C2orf78: variants seen among roughly 807,000 people sequenced by gnomAD.
C2orf78 encodes uncharacterized protein C2orf78.
A neutral mutation model predicts 21.4 loss-of-function variants in C2orf78; 12 were observed. That is an observed-to-expected ratio of 0.56 (90% CI 0.36 to 0.91). The LOEUF is 0.91. Ranked by LOEUF, C2orf78 falls within the 40% of genes least tolerant of loss-of-function variation. The pLI, the probability that C2orf78 is intolerant of heterozygous loss-of-function variation, is 0.01. For synonymous variants in C2orf78, 396 were observed against 413.9 expected (o/e 0.96, Z 0.52); for missense variants, 1,042 against 1,092.4 (o/e 0.95, Z 0.65).
In C2orf78 at chr2:73,808,026, C is replaced by T. The variant is rs963889004; in HGVS notation, c.98-5451C>T. The stretch of plus-strand genomic sequence containing the variant: ...ATCCCAGCACTTTGGGAGGCTGAGG[C>T]GAGCAGATCACAAGGTCAGGTGATC... On this transcript the variant is annotated intron_variant, in intron 1 of 2. Transcript: ENST00000409561. Among the ~76,000 whole-genome samples, 7 of 150,992 alleles carry T rather than the reference C, an allele frequency of 4.6e-5. 1 individual carries two copies. Among genetic ancestry groups the T allele is most frequent in the East Asian group, 1.9e-4 (1 of 5,192 alleles).
At chr2:73,816,114 C>T (rs539997005) in exon 3 of C2orf78, 2 of 1,613,942 alleles carry the variant, frequency 1.2e-6, no homozygotes, top group East Asian at 2.2e-5. Flanking sequence ...CATGCACATG[C>T]TAGAGTCCGT....
Position 73,809,992 on chromosome 2 carries a change from T to G in C2orf78, c.98-3485T>G, listed in dbSNP as rs932709486. ...GGAGAATGACGAAATGATTTTAAAATAAAAAAATATATTTTAAATTTGAAA... is the reference window on the plus strand; with the variant it reads ...GGAGAATGACGAAATGATTTTAAAAGAAAAAAATATATTTTAAATTTGAAA... On this transcript the variant is annotated intron_variant, in intron 1 of 2. Transcript: ENST00000409561. Among the ~76,000 whole-genome samples the G allele has an allele frequency of 6.3e-4, 95 of 150,844 alleles. 1 individual carries two copies. The highest frequency in any genetic ancestry group is 2.3e-3 in the South Asian group (11 of 4,778).
At chr2:73,814,337 T>G in intron 2 of C2orf78, 111 bp downstream of exon 2, 1 of 1,206,060 alleles carries the variant, frequency 8.3e-7, no homozygotes, top group East Asian at 2.4e-5. Context: ...TCCTGAGACT[T>G]CAACCACTAT....
chr2:73,810,496 C>A (rs1412737323), intron 1 of C2orf78, among the ~76,000 whole-genome samples: 1 of 148,800 alleles, frequency 6.7e-6, no homozygotes, highest in South Asian at 2.1e-4. Context: ...CATTGCACTC[C>A]AGCATGGGCA....
intron 1 of C2orf78, among the ~76,000 whole-genome samples, chr2:73,808,052 G>A (rs950239105): frequency 1.3e-4 from 19 of 150,656 alleles, no homozygotes; most frequent in African/African-American, 3.7e-4. Context: ...TCAGGTGATC[G>A]AACCATCCTG....
chr2:73,808,711 A>G (rs1673009187), intron 1 of C2orf78: 2 of 1,513,438 alleles, frequency 1.3e-6, no homozygotes, highest in Non-Finnish European at 8.8e-7. Context: ...ACCTGGTAGA[A>G]TCTTGGGGTT....
exon 2 of C2orf78, chr2:73,813,996 A>T (rs1190876265): frequency 6.2e-7 from 1 of 1,614,054 alleles, no homozygotes; most frequent in Admixed American, 1.7e-5. Flanking sequence ...CTTCCCTGCC[A>T]GATAGGAAGC....
At chr2:73,813,571 C>G (rs758993649) in exon 2 of C2orf78, 6 of 1,613,932 alleles carry the variant, frequency 3.7e-6, no homozygotes, top group Non-Finnish European at 5.1e-6. Flanking sequence ...CAGGAAGCAT[C>G]TCCAACTTCT....
In C2orf78 at chr2:73,815,039, A is replaced by G. The variant is rs764417895; in HGVS notation, c.848-32A>G. The stretch of plus-strand genomic sequence containing the variant: ...GTGTAGGGGGAGCATCTCACTTACC[A>G]GGGACTGACTTCTTCCTTGATTCCT... On this transcript the variant is annotated intron_variant, in intron 2 of 2. Transcript: ENST00000409561. The G allele has an allele frequency of 8.2e-6, 13 of 1,576,688 alleles. No individual in the cohort carries two copies. The African/African-American group carries it at 1.8e-4, about 21-fold the overall frequency.
At chr2:73,811,713 G>GT (rs1218503085) in intron 1 of C2orf78, among the ~76,000 whole-genome samples, 5 of 150,834 alleles carry the variant, frequency 3.3e-5, no homozygotes, top group South Asian at 2.1e-4. Context: ...TCTAGCAGTT[G>GT]TTTTTTTTTA....
chr2:73,810,969 CAT>C (rs35395110), intron 1 of C2orf78, among the ~76,000 whole-genome samples: 1,372 of 136,028 alleles, frequency 0.01, 20 homozygotes, highest in African/African-American at 0.033. Context: ...ATGTATATTT[CAT>C]ATATATATAT....
At chr2:73,816,234 C>G (rs2103995828) in exon 3 of C2orf78, 1 of 1,613,896 alleles carries the variant, frequency 6.2e-7, no homozygotes, top group African/African-American at 1.3e-5. Flanking sequence ...ATTCCCAGCT[C>G]TCAAACCATG....
At chr2:73,813,506 A>T in exon 2 of C2orf78, 3 of 1,610,210 alleles carry the variant, frequency 1.9e-6, no homozygotes, top group African/African-American at 1.3e-5. Flanking sequence ...TTTACCTGGA[A>T]CTGCAAATTC....
At chr2:73,798,064 G>A (rs1238747059) in intron 1 of C2orf78, among the ~76,000 whole-genome samples, 1 of 67,612 alleles carries the variant, frequency 1.5e-5, no homozygotes, top group Non-Finnish European at 3.6e-5. Context: ...TAAAAGAGAA[G>A]AGCCTTGGAC....
exon 3 of C2orf78, chr2:73,816,271 G>A (rs1260293562): frequency 1.2e-6 from 2 of 1,613,680 alleles, no homozygotes; most frequent in African/African-American, 1.3e-5. Flanking sequence ...GAGGGTAAAG[G>A]CCCGGAGAAA....
exon 3 of C2orf78, chr2:73,815,473 A>G (rs1673174039): frequency 6.2e-7 from 1 of 1,613,888 alleles, no homozygotes; most frequent in South Asian, 1.1e-5. Context: ...GAAAATGCCA[A>G]TCTAAGAAAT....
chr2:73,784,550 G>C, intron 1 of C2orf78, 144 bp downstream of exon 1: 1 of 733,266 alleles, frequency 1.4e-6, no homozygotes, highest in Non-Finnish European at 2.1e-6. Context: ...TTCAGTTTTG[G>C]CTTTGACATT....
At position 73,813,748 on chromosome 2, in the gene C2orf78, T is replaced by G. The variant is rs774480905; in HGVS notation, c.369T>G (p.Tyr123Ter). ...ATATCTGTACTTCAGCTGCCTCTTA[T>G]CCAGGCGTTTTTGAGTGGGATAGTA... Residue 123 changes from tyrosine to a stop codon, truncating the protein, a stop_gained, in exon 2 of 3, where the codon TAT becomes TAG. Transcript: ENST00000409561. LOFTEE classifies it high-confidence loss of function. 6.2e-7 allele frequency: 1 copy of G among 1,614,046 alleles called. No individual in the cohort carries two copies.
exon 3 of C2orf78, chr2:73,815,958 A>T: frequency 1.2e-6 from 2 of 1,613,960 alleles, no homozygotes; most frequent in Non-Finnish European, 1.7e-6. Context: ...GAACAGAAAG[A>T]ACAGCTCCAA....
Sources: gnomAD v4.1 joint callset for allele counts (sites outside exome capture counted in the v4.1 genomes callset) on GRCh38, gnomAD v4.1.1 for gene constraint, MANE v1.5 for transcripts, NCBI Gene and HGNC (gene_info 2026-07-23, HGNC 2026-07-21) for gene names.